WDPCP: variants seen among roughly 807,000 people sequenced by gnomAD.
WDPCP encodes WD repeat containing planar cell polarity effector, also known as WD repeat-containing and planar cell polarity effector protein fritz homolog.
A neutral mutation model predicts 93.1 loss-of-function variants in WDPCP; 71 were observed. The ratio of observed to expected loss-of-function variants is 0.76; its 90% CI spans 0.63 to 0.93. The LOEUF is 0.93. Among genes scored for constraint, WDPCP ranks in the 40% least tolerant of loss-of-function variants. WDPCP has a pLI of 0.00. For missense variants in WDPCP, 844 were observed against 887.4 expected, an observed-to-expected ratio of 0.95 and a Z score of 0.62; for synonymous variants, 315 against 315.0, an observed-to-expected ratio of 1.00 and a Z score of 0.00.
At chr2:63,172,542 A>G (rs1414769990) in intron 15 of WDPCP, among the ~76,000 whole-genome samples, 1 of 151,628 alleles carries the variant, frequency 6.6e-6, no homozygotes, top group African/African-American at 2.4e-5. Flanking sequence ...AAGAGGTAGG[A>G]CTTCTAGGTA....
At chr2:63,219,864 G>A (rs890520883) in intron 14 of WDPCP, among the ~76,000 whole-genome samples, 2 of 151,992 alleles carry the variant, frequency 1.3e-5, no homozygotes, top group Non-Finnish European at 2.9e-5. Context: ...TTAGCCGGGG[G>A]TGGTGGCAGC....
intron 2 of WDPCP, among the ~76,000 whole-genome samples, chr2:63,661,661 A>G (rs1340245406): frequency 1.3e-5 from 2 of 152,250 alleles, no homozygotes; most frequent in Admixed American, 6.5e-5. Context: ...TCGGTTGTCA[A>G]TCTATGGAGA....
intron 3 of WDPCP, chr2:63,604,756 C>T (rs368233063): frequency 1.9e-6 from 3 of 1,613,980 alleles, no homozygotes; most frequent in African/African-American, 1.3e-5. Flanking sequence ...CTGGGGAAAC[C>T]ATTCCTCGAC....
chr2:63,720,145 A>C (rs1423986096), intron 2 of WDPCP, among the ~76,000 whole-genome samples: 1 of 152,200 alleles, frequency 6.6e-6, no homozygotes. Flanking sequence ...GGCCTGGCGC[A>C]GTGGCTCATG....
At chr2:63,145,700 A>T (rs983067776) in intron 17 of WDPCP, among the ~76,000 whole-genome samples, 3 of 152,174 alleles carry the variant, frequency 2.0e-5, no homozygotes. Flanking sequence ...CTGCAAAAGA[A>T]AAGGGCCTGA....
intron 1 of WDPCP, among the ~76,000 whole-genome samples, chr2:63,543,305 T>C (rs1704886409): frequency 6.6e-6 from 1 of 150,520 alleles, no homozygotes; most frequent in South Asian, 2.1e-4. Context: ...AATAGCCTAC[T>C]GAAGTACTTA....
chr2:63,522,195 C>A (rs567850907), intron 1 of WDPCP, among the ~76,000 whole-genome samples: 3 of 152,032 alleles, frequency 2.0e-5, no homozygotes, highest in South Asian at 4.2e-4. Context: ...CCCCCCACCC[C>A]CCGGCAGGTG....
chr2:63,757,968 G>GTTAC lies in WDPCP; in HGVS notation n.308+55650_308+55653dup, dbSNP rs1669994446. Among the ~76,000 whole-genome samples, 9 of 152,222 alleles carry GTTAC rather than the reference G, an allele frequency of 5.9e-5. No individual in the cohort carries two copies. In the South Asian group the frequency reaches 1.9e-3, roughly 32 times the overall value. On this transcript the variant is annotated intron_variant and non_coding_transcript_variant, in intron 2 of 4. Coordinates refer to the WDPCP transcript ENST00000467687. ...AGCCTCTGTGATATGAAAGTTGTTT[G>GTTAC]TTACTACAGTAAAAGGCAGTAGACT...
At chr2:63,756,856 G>T (rs756330453) in intron 2 of WDPCP, among the ~76,000 whole-genome samples, 15 of 152,188 alleles carry the variant, frequency 9.9e-5, no homozygotes, top group South Asian at 2.1e-4. Context: ...TTCAGACAGA[G>T]AAGTCAAGTA....
intron 15 of WDPCP, among the ~76,000 whole-genome samples, chr2:63,162,574 TTGAA>T (rs1672716137): frequency 1.3e-5 from 2 of 152,260 alleles, no homozygotes; most frequent in Admixed American, 1.3e-4. Context: ...GGAGGGATAT[TTGAA>T]TGGGGAGAGG....
chr2:63,752,610 G>A (rs898550561), intron 2 of WDPCP: 1 of 551,484 alleles, frequency 1.8e-6, no homozygotes, highest in East Asian at 3.0e-5. Flanking sequence ...GGCTCTTTAG[G>A]ATACTGATTT....
At chr2:63,566,667 T>A (rs1490100142) in intron 1 of WDPCP, among the ~76,000 whole-genome samples, 1 of 152,220 alleles carries the variant, frequency 6.6e-6, no homozygotes, top group Non-Finnish European at 1.5e-5. Context: ...TCCAATTCTC[T>A]GGACACCAAC....
intron 2 of WDPCP, among the ~76,000 whole-genome samples, chr2:63,653,496 C>A (rs559047977): frequency 6.6e-6 from 1 of 152,278 alleles, no homozygotes; most frequent in East Asian, 1.9e-4. Flanking sequence ...TCCTTAAAAG[C>A]AAGTCTGGAA....
At chr2:63,317,709 C>G (rs915683476) in intron 12 of WDPCP, among the ~76,000 whole-genome samples, 1 of 152,048 alleles carries the variant, frequency 6.6e-6, no homozygotes, top group Non-Finnish European at 1.5e-5. Context: ...ACTGGATAGT[C>G]GTATACAGAT....
At chr2:63,680,882 T>C (rs985116171) in intron 2 of WDPCP, among the ~76,000 whole-genome samples, 2 of 151,712 alleles carry the variant, frequency 1.3e-5, no homozygotes, top group Non-Finnish European at 2.9e-5. Context: ...CTGGGCAGAG[T>C]TGAGAGGCAC....
intron 1 of WDPCP, among the ~76,000 whole-genome samples, chr2:63,816,151 AAATT>A (rs1303388047): frequency 8.5e-4 from 130 of 152,314 alleles, no homozygotes; most frequent in Non-Finnish European, 2.8e-4. Flanking sequence ...ACTAAAAAGA[AAATT>A]AATCACATTT....
At chr2:63,303,866 AC>A (rs1685516973) in intron 13 of WDPCP, among the ~76,000 whole-genome samples, 1 of 152,104 alleles carries the variant, frequency 6.6e-6, no homozygotes, top group Admixed American at 6.5e-5. Context: ...CAGTCAATAA[AC>A]ATATGAAAAA....
chr2:63,156,837 C>G (rs1045571620), intron 15 of WDPCP, among the ~76,000 whole-genome samples: 1 of 152,024 alleles, frequency 6.6e-6, no homozygotes, highest in African/African-American at 2.4e-5. Flanking sequence ...ACCATTTTGT[C>G]TGCAAAAAGG....
intron 12 of WDPCP, among the ~76,000 whole-genome samples, chr2:63,356,066 T>A (rs1465724638): frequency 6.6e-6 from 1 of 151,968 alleles, no homozygotes; most frequent in African/African-American, 2.4e-5. Context: ...AGGCTCAAAA[T>A]AAAGGGATAG....
Sources: allele counts gnomAD v4.1 joint callset (sites outside exome capture counted in the v4.1 genomes callset), GRCh38; gene constraint gnomAD v4.1.1; transcripts MANE v1.5; gene names NCBI Gene and HGNC (gene_info 2026-07-23, HGNC 2026-07-21).